RBFOX1: variants seen among roughly 807,000 people sequenced by gnomAD.
RBFOX1 encodes the protein RNA binding protein fox-1 homolog 1.
Under a neutral mutation model 57.7 loss-of-function variants are expected in RBFOX1, and 8 were observed. The ratio of observed to expected loss-of-function variants is 0.14; its 90% CI spans 0.08 to 0.25. The LOEUF is 0.25. Ranked by LOEUF, RBFOX1 falls within the 10% of genes least tolerant of loss-of-function variation. The pLI, the probability that RBFOX1 is intolerant of heterozygous loss-of-function variation, is 1.00. For missense variants in RBFOX1, 611 were observed against 548.5 expected (o/e 1.11, Z -1.14); for synonymous variants, 326 against 222.4 (o/e 1.47, Z -4.15).
In RBFOX1 at chr16:7,355,107, C is replaced by T. The variant is rs570218815; in HGVS notation, c.28-163040C>T. ...AACTCTAACAGGTAGCTACCGCTAT[C>T]ACCCAAGCTTTGAATGTGAGAAAAC... On this transcript the variant is annotated intron_variant, in intron 4 of 15. Coordinates refer to ENST00000550418, the MANE Select transcript of RBFOX1 (RefSeq NM_018723.4). Among the ~76,000 whole-genome samples the T allele has an allele frequency of 2.6e-5, 4 of 152,334 alleles. No homozygotes were observed. In the South Asian group the frequency reaches 8.3e-4, roughly 32 times the overall value.
At chr16:6,022,320 G>A (rs998654592) in intron 1 of RBFOX1, among the ~76,000 whole-genome samples, 3 of 151,688 alleles carry the variant, frequency 2.0e-5, no homozygotes, top group Admixed American at 6.6e-5. Flanking sequence ...CACAAGAATC[G>A]AAGAATATTA....
At chr16:5,672,336 G>T (rs1402335366) in intron 3 of RBFOX1, among the ~76,000 whole-genome samples, 1 of 152,102 alleles carries the variant, frequency 6.6e-6, no homozygotes, top group Non-Finnish European at 1.5e-5. Flanking sequence ...TGTCAGGAGG[G>T]CTCTTGACTT....
intron 4 of RBFOX1, among the ~76,000 whole-genome samples, chr16:7,183,394 C>T (rs1173655224): frequency 1.3e-5 from 2 of 152,208 alleles, no homozygotes; most frequent in East Asian, 3.8e-4. Context: ...TTTACCAGCA[C>T]TTGAGGCCAG....
intron 1 of RBFOX1, among the ~76,000 whole-genome samples, chr16:6,205,972 T>C (rs925713609): frequency 2.7e-5 from 4 of 150,688 alleles, no homozygotes; most frequent in African/African-American, 4.9e-5. Context: ...TTCACTTAGA[T>C]CTGGAGTATA....
chr16:5,860,318 AC>A (rs891519405), intron 3 of RBFOX1, among the ~76,000 whole-genome samples: 10 of 151,892 alleles, frequency 6.6e-5, no homozygotes, highest in African/African-American at 2.4e-4. Context: ...CTCGTGATCC[AC>A]CCGCCTCCAC....
chr16:5,730,407 A>G (rs1033125660), intron 3 of RBFOX1, among the ~76,000 whole-genome samples: 3 of 152,182 alleles, frequency 2.0e-5, no homozygotes, highest in African/African-American at 7.2e-5. Context: ...GAGGGTCTGT[A>G]GAGGGCATGG....
chr16:5,501,279 C>T (rs2043184896), intron 2 of RBFOX1, among the ~76,000 whole-genome samples: 1 of 124,630 alleles, frequency 8.0e-6, no homozygotes, highest in African/African-American at 3.1e-5. Flanking sequence ...GATTGCTCCA[C>T]TACATTCCAG....
At chr16:6,233,416 C>T (rs2097481098) in intron 1 of RBFOX1, among the ~76,000 whole-genome samples, 1 of 152,096 alleles carries the variant, frequency 6.6e-6, no homozygotes, top group Admixed American at 6.6e-5. Flanking sequence ...GCACCCCACT[C>T]GTCCCCACCT....
Position 7,013,488 on chromosome 16 carries a change from C to G in RBFOX1, c.-15-38569C>G, listed in dbSNP as rs57745843. ...TAGCAGATGGAGTGAAGGCATGCCT[C>G]TAAATATCCTGCATTACACAGGACA... On this transcript the variant is annotated intron_variant, in intron 3 of 15. Transcript: ENST00000550418. Among the ~76,000 whole-genome samples the G allele has an allele frequency of 9.2e-3, 1,402 of 152,206 alleles. 26 individuals carry two copies. Among genetic ancestry groups the G allele is most frequent in the African/African-American group, 0.032 (1,325 of 41,534 alleles).
chr16:5,322,006 C>A (rs1308375487), intron 1 of RBFOX1, among the ~76,000 whole-genome samples: 1 of 152,136 alleles, frequency 6.6e-6, no homozygotes, highest in Non-Finnish European at 1.5e-5. Context: ...GTGGTAGATA[C>A]TAGAGTGTCT....
At chr16:6,210,115 C>T (rs1031827063) in intron 1 of RBFOX1, among the ~76,000 whole-genome samples, 4 of 151,328 alleles carry the variant, frequency 2.6e-5, no homozygotes, top group African/African-American at 4.9e-5. Context: ...GTCAGGAGTT[C>T]GAGACCAGCC....
At chr16:7,104,820 C>G (rs990701468) in intron 4 of RBFOX1, among the ~76,000 whole-genome samples, 1 of 152,126 alleles carries the variant, frequency 6.6e-6, no homozygotes, top group Non-Finnish European at 1.5e-5. Context: ...CAAAGAGGCT[C>G]AGACAAAACA....
intron 1 of RBFOX1, among the ~76,000 whole-genome samples, chr16:6,268,434 G>A (rs1240751546): frequency 6.6e-6 from 1 of 152,170 alleles, no homozygotes; most frequent in Non-Finnish European, 1.5e-5. Flanking sequence ...CAAGATAGCT[G>A]TGTTCAAGCA....
At chr16:5,972,758 C>G (rs2059988059) in intron 4 of RBFOX1, among the ~76,000 whole-genome samples, 2 of 152,324 alleles carry the variant, frequency 1.3e-5, no homozygotes, top group Middle Eastern at 6.8e-3. Flanking sequence ...GTTTCTCACC[C>G]TCTCCACTCC....
chr16:7,060,552 A>T (rs1452548440), intron 4 of RBFOX1, among the ~76,000 whole-genome samples: 1 of 152,238 alleles, frequency 6.6e-6, no homozygotes, highest in Non-Finnish European at 1.5e-5. Flanking sequence ...CTTTTAAAGA[A>T]CAGAATAGCT....
At position 5,949,166 on chromosome 16, in the gene RBFOX1, A is replaced by G. The variant is rs1047262153; in HGVS notation, c.351+81831A>G. Among the ~76,000 whole-genome samples, 8 of 152,278 alleles carry G rather than the reference A, an allele frequency of 5.3e-5. No individual in the cohort carries two copies. In the South Asian group the frequency reaches 1.0e-3, roughly 20 times the overall value. On this transcript the variant is annotated intron_variant, in intron 4 of 19. Transcript: ENST00000641259. Reference sequence around the variant, plus strand: ...CATATAACCAGCATACCATTAGCTGACCTAAGACATATAACAATGATACAA... The same window carrying G: ...CATATAACCAGCATACCATTAGCTGGCCTAAGACATATAACAATGATACAA...
intron 1 of RBFOX1, among the ~76,000 whole-genome samples, chr16:5,250,428 C>T (rs887175605): frequency 1.3e-5 from 2 of 152,108 alleles, no homozygotes; most frequent in Non-Finnish European, 2.9e-5. Flanking sequence ...CCCCTTGTCC[C>T]TCACCCCCGA....
chr16:5,511,365 G>A (rs1597356273), intron 2 of RBFOX1, among the ~76,000 whole-genome samples: 1 of 152,284 alleles, frequency 6.6e-6, no homozygotes, highest in East Asian at 1.9e-4. Context: ...TTCTCTGCAG[G>A]GATGGTGGTG....
chr16:6,175,503 CG>C (rs1216596014), intron 1 of RBFOX1, among the ~76,000 whole-genome samples: 1 of 151,374 alleles, frequency 6.6e-6, no homozygotes, highest in Admixed American at 6.6e-5. Flanking sequence ...TTCTGTAGGT[CG>C]GGGGGGTGGG....
Sources: gnomAD v4.1 joint callset for allele counts (sites outside exome capture counted in the v4.1 genomes callset) on GRCh38, gnomAD v4.1.1 for gene constraint, MANE v1.5 for transcripts, NCBI Gene and HGNC (gene_info 2026-07-23, HGNC 2026-07-21) for gene names.